DISP3: variants seen among roughly 807,000 people sequenced by gnomAD.
The protein encoded by DISP3 is dispatched RND transporter family member 3.
A neutral mutation model predicts 135.3 loss-of-function variants in DISP3; 101 were observed. The ratio of observed to expected loss-of-function variants is 0.75; its 90% CI spans 0.64 to 0.88. The LOEUF is 0.88. Ranked by LOEUF, DISP3 falls within the 40% of genes least tolerant of loss-of-function variation. The probability of loss-of-function intolerance (pLI) is 0.00; values close to 1 mark genes in which losing one functional copy is unlikely to be tolerated. For synonymous variants in DISP3, 856 were observed against 817.0 expected (o/e 1.05, Z -0.81); for missense variants, 1,713 against 1,878.6 (o/e 0.91, Z 1.63).
intron 5 of DISP3, among the ~76,000 whole-genome samples, chr1:11,515,717 T>A (rs1255124377): frequency 6.6e-6 from 1 of 150,942 alleles, no homozygotes; most frequent in Non-Finnish European, 1.5e-5. Flanking sequence ...TGGATGGAGG[T>A]GAGGATGGTG....
chr1:11,530,200 G>A lies in DISP3; in HGVS notation c.3102+241G>A, dbSNP rs535309893. Among the ~76,000 whole-genome samples the A allele has an allele frequency of 6.6e-5, 10 of 152,312 alleles. No individual in the cohort carries two copies. The South Asian group carries it at 2.1e-3, about 32-fold the overall frequency. On this transcript the variant is annotated intron_variant, in intron 15 of 20. Transcript: ENST00000294484. Reference sequence around the variant, plus strand: ...TTTAGGGCCCAAGCTGGATGCCTGTGAGGGACTGGAATGGAGAGAGGGCAA... The same window carrying A: ...TTTAGGGCCCAAGCTGGATGCCTGTAAGGGACTGGAATGGAGAGAGGGCAA...
intron 7 of DISP3, 29 bp downstream of exon 7, chr1:11,517,631 C>CAGGGT (rs781251491): frequency 3.7e-6 from 6 of 1,608,992 alleles, no homozygotes; most frequent in Non-Finnish European, 5.1e-6. Context: ...CCACCCACAG[C>CAGGGT]AGGGTATCCA....
chr1:11,525,475 G>A (rs1407509239), intron 12 of DISP3, among the ~76,000 whole-genome samples, 163 bp downstream of exon 12: 3 of 152,234 alleles, frequency 2.0e-5, no homozygotes, highest in Non-Finnish European at 2.9e-5. Flanking sequence ...GGGACCTGCC[G>A]AGTGGTAGCA....
chr1:11,522,563 GCCCAGCCAGGACCCAGCCAAGA>G (rs1642231884), intron 10 of DISP3, among the ~76,000 whole-genome samples: 22 of 111,842 alleles, frequency 2.0e-4, no homozygotes, highest in East Asian at 7.5e-4. Context: ...CCCAGCCAGA[GCCCAGCCAGGACCCAGCCAAGA>G]CCCAGCCAGG....
intron 18 of DISP3, 137 bp downstream of exon 18, chr1:11,534,677 G>A: frequency 8.3e-7 from 1 of 1,201,176 alleles, no homozygotes; most frequent in Non-Finnish European, 1.1e-6. Flanking sequence ...CACGGTGGCT[G>A]GGACATTGAT....
rs1419651098 is a variant in DISP3 at position 11,536,074 on chromosome 1, G to C, written c.3817-250G>C. 1.3e-5 allele frequency among the ~76,000 whole-genome samples: 2 copies of C among 152,174 alleles called. No homozygotes were observed. Among genetic ancestry groups the C allele is most frequent in the Non-Finnish European group, 2.9e-5 (2 of 68,026 alleles). On this transcript the variant is annotated intron_variant, in intron 20 of 20. Transcript: ENST00000294484. The surrounding 1 kb of genome is among the most constrained non-coding windows in gnomAD (Gnocchi z 4.3). ...TTTTCTTTAGTTTGGAATTGCGTTG[G>C]TGTGAAAACATTCACAAATGTGTAA...
At chr1:11,526,600 G>A (rs757471505) in intron 12 of DISP3, 51 bp from the exon 13 acceptor site, 36 of 1,579,392 alleles carry the variant, frequency 2.3e-5, no homozygotes, top group East Asian at 6.8e-5. Flanking sequence ...GGCCCAGGCC[G>A]AGGCAGCCCC....
intron 5 of DISP3, 152 bp from the exon 6 acceptor site, chr1:11,515,849 C>A: frequency 1.1e-6 from 1 of 933,204 alleles, no homozygotes; most frequent in Non-Finnish European, 1.6e-6. Flanking sequence ...AGGAGCCAAT[C>A]AGAGGGGTCT....
At position 11,501,523 on chromosome 1, in the gene DISP3, G is replaced by A; in HGVS notation, c.531G>A (p.Ala177=). The A allele has an allele frequency of 6.2e-7, 1 of 1,601,810 alleles. No individual in the cohort carries two copies. The highest frequency in any genetic ancestry group is 1.1e-5 in the South Asian group (1 of 89,838). Residue 177 remains alanine, a synonymous_variant, in exon 2 of 21, where the codon GCG becomes GCA. Coordinates refer to ENST00000294484, the MANE Select transcript of DISP3 (RefSeq NM_020780.2). This position sits in a 1 kb window ranked among gnomAD's most constrained non-coding sequence, Gnocchi z 4.9. ...QASRAPRVIP[A]ASLGGPGPYR... ...CCCGAGCCCCCCGCGTCATCCCCGCGGCCTCACTCGGTGGCCCAGGCCCTT... is the reference window on the plus strand; with the variant it reads ...CCCGAGCCCCCCGCGTCATCCCCGCAGCCTCACTCGGTGGCCCAGGCCCTT...
In DISP3 at chr1:11,529,753, G is replaced by A; in HGVS notation, c.2930-34G>A. The A allele has an allele frequency of 6.2e-7, 1 of 1,604,432 alleles. No homozygotes were observed. The highest frequency in any genetic ancestry group is 8.5e-7 in the Non-Finnish European group (1 of 1,172,970). ...CCTCGGGGCTCAGGAGCTGGACCCT[G>A]CCTTCCCTTACAGCTGTGACTCCCT... is the stretch of plus-strand genomic sequence containing the variant. On this transcript the variant is annotated intron_variant, in intron 14 of 20. Coordinates refer to ENST00000294484, the MANE Select transcript of DISP3 (RefSeq NM_020780.2). This position sits in a 1 kb window ranked among gnomAD's most constrained non-coding sequence, Gnocchi z 4.7.
intron 10 of DISP3, among the ~76,000 whole-genome samples, chr1:11,521,871 A>G (rs1029602210): frequency 2.0e-4 from 30 of 152,062 alleles, no homozygotes; most frequent in Admixed American, 4.6e-4. Flanking sequence ...TTGTCACTGG[A>G]AGCTAGTCAC....
At position 11,502,821 on chromosome 1, in the gene DISP3, C is replaced by G. The variant is rs576336989; in HGVS notation, c.1240C>G (p.Arg414Gly). Residue 414 changes from arginine (R) to glycine (G), a missense_variant, in exon 3 of 21, where the codon CGC (arginine) becomes GGC (glycine). Transcript: ENST00000294484. ...GCCCAACTACTACTCAGTAGATGAC[C>G]GCTGGGAGGAACAACGGGCTAAGTT... ...PLPNYYSVDD[R>G]WEEQRAKFQS... 6.2e-7 allele frequency: 1 copy of G among 1,614,180 alleles called. No homozygotes were observed. The highest frequency in any genetic ancestry group is 1.1e-5 in the South Asian group (1 of 91,078).
intron 3 of DISP3, among the ~76,000 whole-genome samples, chr1:11,513,108 C>T (rs11809869): frequency 0.019 from 2,927 of 152,094 alleles, 85 homozygotes; most frequent in African/African-American, 0.067. Context: ...CAAAGCCTAT[C>T]ACCATCTCTA....
chr1:11,479,339 G>T lies in DISP3; in HGVS notation c.-37G>T, dbSNP rs758659240. 1 of 154,342 alleles carries T rather than the reference G, an allele frequency of 6.5e-6. No homozygotes were observed. 9.6% of individuals were successfully genotyped at this position (154,342 alleles called of 1,614,324 possible). On this transcript the variant is annotated 5_prime_UTR_variant, in exon 1 of 21. Transcript: ENST00000294484. ...CCCTCTGCGCACTCTCTCCCGCGCC[G>T]GCGGCTCAGCCTAGCCCCGTTCGGC... is the stretch of plus-strand genomic sequence containing the variant.
rs1640949620 is a variant in DISP3, at chr1:11,483,141, C to T, written c.-4+3769C>T. Among the ~76,000 whole-genome samples the T allele has an allele frequency of 6.6e-6, 1 of 152,248 alleles. No individual in the cohort carries two copies. Among genetic ancestry groups the T allele is most frequent in the Non-Finnish European group, 1.5e-5 (1 of 68,044 alleles). ...CTCCCCCAGTGAGCTCACTCTCTGC[C>T]TGGCCGCTGGGAGACCAGACAGCCG... On this transcript the variant is annotated intron_variant, in intron 1 of 20. Coordinates refer to ENST00000294484, the MANE Select transcript of DISP3 (RefSeq NM_020780.2). This position sits in a 1 kb window ranked among gnomAD's most constrained non-coding sequence, Gnocchi z 5.4.
chr1:11,490,793 C>T (rs1394384748), intron 1 of DISP3, among the ~76,000 whole-genome samples: 1 of 152,146 alleles, frequency 6.6e-6, no homozygotes, highest in East Asian at 1.9e-4. Context: ...GGCTCCAATC[C>T]AGCTCAGCTC....
At chr1:11,490,136 T>C (rs11121752) in intron 1 of DISP3, among the ~76,000 whole-genome samples, 73,828 of 151,568 alleles carry the variant, frequency 0.49, 19,897 homozygotes, top group East Asian at 0.74. Context: ...GGGGTGGGGG[T>C]GGTCTGGACG....
intron 1 of DISP3, among the ~76,000 whole-genome samples, chr1:11,487,919 C>G (rs1424282916): frequency 6.6e-6 from 1 of 152,188 alleles, no homozygotes; most frequent in Non-Finnish European, 1.5e-5. Flanking sequence ...ATTACCCCAT[C>G]CTCTCTCCTG....
chr1:11,522,816 A>G (rs374526527), intron 10 of DISP3, among the ~76,000 whole-genome samples: 545 of 34,662 alleles, frequency 0.016, 12 homozygotes, highest in East Asian at 0.046. Context: ...CCCAGCCAGG[A>G]CCCAGCCAGA....
Sources: allele counts gnomAD v4.1 joint callset (sites outside exome capture counted in the v4.1 genomes callset), GRCh38; gene constraint gnomAD v4.1.1; non-coding constraint Gnocchi (gnomAD v3.1); transcripts MANE v1.5; gene names NCBI Gene and HGNC (gene_info 2026-07-23, HGNC 2026-07-21).